The following PRKG1 variants were observed in gnomAD, a reference collection of about 807,000 sequenced individuals.
The protein encoded by PRKG1 is protein kinase cGMP-dependent 1.
In PRKG1, 35 loss-of-function variants were observed where a neutral mutation model predicts 88.1. The ratio of observed to expected loss-of-function variants is 0.40; its 90% CI spans 0.30 to 0.53. The LOEUF (loss-of-function observed/expected upper bound fraction) is 0.53. PRKG1 is among the 20% of genes least tolerant of loss of function. The pLI, the probability that PRKG1 is intolerant of heterozygous loss-of-function variation, is 0.59. For synonymous variants in PRKG1, 303 were observed against 292.5 expected (o/e 1.04, Z -0.37); for missense variants, 540 against 839.8 (o/e 0.64, Z 4.41).
intron 3 of PRKG1, among the ~76,000 whole-genome samples, chr10:51,786,622 GCTTT>G (rs980305515): frequency 1.3e-5 from 2 of 152,062 alleles, no homozygotes; most frequent in Non-Finnish European, 2.9e-5. Context: ...TATTGATATT[GCTTT>G]CTTTATTGAT....
intron 2 of PRKG1, among the ~76,000 whole-genome samples, chr10:51,169,994 G>A (rs138132633): frequency 7.2e-5 from 11 of 151,986 alleles, no homozygotes; most frequent in African/African-American, 2.4e-4. Flanking sequence ...ATGCTCTGAA[G>A]CACTATTGCT....
chr10:52,142,576 A>G (rs923106153), intron 8 of PRKG1, among the ~76,000 whole-genome samples: 1 of 152,206 alleles, frequency 6.6e-6, no homozygotes, highest in African/African-American at 2.4e-5. Context: ...TATATAGATC[A>G]ATCGATCAGT....
At chr10:51,944,074 C>G (rs2133036708) in intron 5 of PRKG1, among the ~76,000 whole-genome samples, 1 of 152,050 alleles carries the variant, frequency 6.6e-6, no homozygotes, top group East Asian at 1.9e-4. Flanking sequence ...GCTGTGAATC[C>G]ATCTGGTCCT....
At chr10:51,692,727 C>T (rs757602169) in intron 3 of PRKG1, among the ~76,000 whole-genome samples, 1 of 152,284 alleles carries the variant, frequency 6.6e-6, no homozygotes, top group Non-Finnish European at 1.5e-5. Flanking sequence ...CCTTCTGCCT[C>T]AACCTCCCAA....
intron 5 of PRKG1, among the ~76,000 whole-genome samples, chr10:51,945,014 A>G (rs930369360): frequency 2.9e-4 from 43 of 150,766 alleles, no homozygotes; most frequent in Admixed American, 2.4e-3. Flanking sequence ...TATCCTTGTT[A>G]ACTTTCTGTC....
At chr10:52,119,949 TAGACAGACAG>T (rs1302460342) in intron 7 of PRKG1, among the ~76,000 whole-genome samples, 1 of 148,872 alleles carries the variant, frequency 6.7e-6, no homozygotes, top group African/African-American at 2.5e-5. Flanking sequence ...GAGACAGAGA[TAGACAGACAG>T]AGACAGAGAG....
chr10:52,266,268 T>C (rs1410421579), intron 10 of PRKG1, among the ~76,000 whole-genome samples: 3 of 151,952 alleles, frequency 2.0e-5, no homozygotes, highest in South Asian at 2.1e-4. Flanking sequence ...GTTTGTTACA[T>C]AGGTAAACAT....
At chr10:51,481,435 G>C (rs568502642) in intron 3 of PRKG1, among the ~76,000 whole-genome samples, 29 of 152,146 alleles carry the variant, frequency 1.9e-4, no homozygotes, top group Non-Finnish European at 3.8e-4. Flanking sequence ...TTTTTGTAAA[G>C]ACAAGGTTTC....
rs397846439 is a variant in PRKG1, at chr10:52,089,804, C to CTTTTTTTTTTTTTTTTTTTTT, written c.935+27177_935+27197dup. Reference sequence around the variant, plus strand: ...GGCTTAGATTATTGTTTCTTTCCTTCTTTTTTTTTTTTTTTTTTTTTTTTG... The same window carrying CTTTTTTTTTTTTTTTTTTTTT: ...GGCTTAGATTATTGTTTCTTTCCTTCTTTTTTTTTTTTTTTTTTTTTTTTTTTTTTTTTTTTTTTTTTTTTG... On this transcript the variant is annotated intron_variant, in intron 7 of 17. Transcript: ENST00000373980. 1.6e-3 allele frequency among the ~76,000 whole-genome samples: 110 copies of CTTTTTTTTTTTTTTTTTTTTT among 67,732 alleles called. 20 individuals are homozygous for CTTTTTTTTTTTTTTTTTTTTT. Among genetic ancestry groups the CTTTTTTTTTTTTTTTTTTTTT allele is most frequent in the African/African-American group, 4.0e-3 (59 of 14,864 alleles). 44.4% of individuals were successfully genotyped at this position (67,732 alleles called of 152,430 possible). A position where few individuals can be genotyped will look rare whatever the true frequency, so the allele number is the denominator to read the frequency against.
intron 2 of PRKG1, among the ~76,000 whole-genome samples, chr10:51,188,445 G>T (rs1313492076): frequency 1.3e-5 from 2 of 151,572 alleles, no homozygotes; most frequent in African/African-American, 4.8e-5. Flanking sequence ...TGATATATAA[G>T]ATCATATATC....
chr10:51,695,480 CTAA>C (rs1321880802), intron 3 of PRKG1: 2 of 152,142 alleles, frequency 1.3e-5, no homozygotes, highest in African/African-American at 4.8e-5. Context: ...ATATCAGATA[CTAA>C]TGTCAGCCTT....
At chr10:51,064,089 A>T (rs1472201752) in intron 1 of PRKG1, among the ~76,000 whole-genome samples, 1 of 152,104 alleles carries the variant, frequency 6.6e-6, no homozygotes, top group Non-Finnish European at 1.5e-5. Context: ...CTATTTGCTA[A>T]AAATATTATT....
chr10:51,175,284 T>C (rs932829735), intron 2 of PRKG1, among the ~76,000 whole-genome samples: 1 of 151,968 alleles, frequency 6.6e-6, no homozygotes, highest in African/African-American at 2.4e-5. Flanking sequence ...TTAATTGATT[T>C]CCTCCATTCT....
chr10:51,185,883 C>T (rs571910541), intron 2 of PRKG1, among the ~76,000 whole-genome samples: 1 of 151,666 alleles, frequency 6.6e-6, no homozygotes, highest in Admixed American at 6.6e-5. Context: ...TGTCATTGTA[C>T]ACATTTTAAG....
chr10:51,477,862 T>A (rs1016840360), intron 3 of PRKG1, among the ~76,000 whole-genome samples: 1 of 152,036 alleles, frequency 6.6e-6, no homozygotes, highest in African/African-American at 2.4e-5. Flanking sequence ...AATTTTTTCA[T>A]CACAGCCCTT....
intron 1 of PRKG1, among the ~76,000 whole-genome samples, chr10:51,087,617 T>C (rs1248088502): frequency 6.6e-6 from 1 of 152,236 alleles, no homozygotes; most frequent in Non-Finnish European, 1.5e-5. Context: ...GTTTCTTTTA[T>C]ATAGAGAGCT....
chr10:52,003,475 C>G (rs1241366875), intron 5 of PRKG1, among the ~76,000 whole-genome samples: 1 of 152,142 alleles, frequency 6.6e-6, no homozygotes. Flanking sequence ...ATTGTAAGAA[C>G]AGCAACAGTA....
At chr10:51,972,762 C>T (rs1352143953) in intron 5 of PRKG1, among the ~76,000 whole-genome samples, 1 of 152,102 alleles carries the variant, frequency 6.6e-6, no homozygotes, top group East Asian at 1.9e-4. Flanking sequence ...AGCTATTTCT[C>T]ATCTTGGTAA....
intron 2 of PRKG1, among the ~76,000 whole-genome samples, chr10:51,333,987 A>G (rs896031057): frequency 6.6e-6 from 1 of 152,118 alleles, no homozygotes; most frequent in Admixed American, 6.5e-5. Flanking sequence ...AAACACACCA[A>G]TTGTGTCGCT....
Sources: allele counts gnomAD v4.1 joint callset (sites outside exome capture counted in the v4.1 genomes callset), GRCh38; gene constraint gnomAD v4.1.1; transcripts MANE v1.5; gene names NCBI Gene and HGNC (gene_info 2026-07-23, HGNC 2026-07-21).